Variants in IL16 observed in about 807,000 individuals in gnomAD.
The protein encoded by IL16 is interleukin 16.
Under a neutral mutation model 110.1 loss-of-function variants are expected in IL16, and 67 were observed. The observed-to-expected ratio is 0.61, with a 90% confidence interval of 0.50 to 0.75. The LOEUF (loss-of-function observed/expected upper bound fraction) is 0.75. Among genes scored for constraint, IL16 ranks in the 30% least tolerant of loss-of-function variants. IL16 has a pLI of 0.00. For synonymous variants in IL16, 689 were observed against 662.9 expected (o/e 1.04, Z -0.61); for missense variants, 1,545 against 1,655.0 (o/e 0.93, Z 1.15).
intron 1 of IL16, among the ~76,000 whole-genome samples, chr15:81,208,494 CTT>C (rs1364558401): frequency 1.3e-5 from 2 of 152,106 alleles, no homozygotes; most frequent in Admixed American, 1.3e-4. Context: ...GCCCAGCTAA[CTT>C]TTAAAATATT....
intron 1 of IL16, among the ~76,000 whole-genome samples, chr15:81,190,714 A>C (rs1895486107): frequency 1.3e-5 from 2 of 152,182 alleles, no homozygotes; most frequent in Admixed American, 1.3e-4. Context: ...AAGCTGAAAA[A>C]TCCAGTTTCT....
Position 81,311,015 on chromosome 15 carries a change from A to C in IL16, c.*2217A>C, listed in dbSNP as rs1900825952. The C allele has an allele frequency of 2.0e-5, 3 of 152,254 alleles. 1 individual carries two copies. Among genetic ancestry groups the C allele is most frequent in the Non-Finnish European group, 4.4e-5 (3 of 68,054 alleles). 9.4% of individuals were successfully genotyped at this position (152,254 alleles called of 1,614,324 possible). On this transcript the variant is annotated 3_prime_UTR_variant, in exon 19 of 19. Coordinates refer to ENST00000683961, the MANE Select transcript of IL16 (RefSeq NM_172217.5). ...GCCACTGAAGATATAACTATTGCCC[A>C]GGTTTCTGGTCTCTAGGCTGGGGAA... is the stretch of plus-strand genomic sequence containing the variant.
At chr15:81,283,924 G>A (rs1212893807) in intron 9 of IL16, among the ~76,000 whole-genome samples, 2 of 150,802 alleles carry the variant, frequency 1.3e-5, no homozygotes, top group East Asian at 3.9e-4. Context: ...GCTCACTTGA[G>A]CCAGGGAGGC....
chr15:81,312,763 A>G lies in IL16; in HGVS notation c.*3965A>G, dbSNP rs1900930642. ...ATATTTTGCGGCATTAAAGCCATAT[A>G]CAAGGTCTATATCAGAAAAATATAT... On this transcript the variant is annotated 3_prime_UTR_variant, in exon 19 of 19. Coordinates refer to ENST00000683961, the MANE Select transcript of IL16 (RefSeq NM_172217.5). The G allele has an allele frequency of 6.6e-6, 1 of 152,386 alleles. No individual in the cohort carries two copies. The highest frequency in any genetic ancestry group is 1.5e-5 in the Non-Finnish European group (1 of 68,112). 9.4% of individuals were successfully genotyped at this position (152,386 alleles called of 1,614,324 possible).
Position 81,297,083 on chromosome 15 carries a change from G to A in IL16, c.2053+5G>A, listed in dbSNP as rs748977144. 1.9e-6 allele frequency: 3 copies of A among 1,603,130 alleles called. No homozygotes were observed. The highest frequency in any genetic ancestry group is 2.6e-6 in the Non-Finnish European group (3 of 1,175,628). On this transcript the variant is annotated splice_donor_5th_base_variant and intron_variant, in intron 13 of 18. Transcript: ENST00000683961. The stretch of plus-strand genomic sequence containing the variant: ...GGTGGAGAAGAGCCAGCCCAGGTAA[G>A]CTTTCATTGAGATCTTCCAAAAGGA...
At chr15:81,302,339 T>TA (rs1478301935) in intron 15 of IL16, 1 of 152,314 alleles carries the variant, frequency 6.6e-6, no homozygotes, top group Non-Finnish European at 1.5e-5. Flanking sequence ...CCCAGGATCT[T>TA]ACTCAGTGCA....
At position 81,313,455 on chromosome 15, in the gene IL16, G is replaced by A. The variant is rs371044294; in HGVS notation, c.*4657G>A. On this transcript the variant is annotated 3_prime_UTR_variant, in exon 19 of 19. Coordinates refer to ENST00000683961, the MANE Select transcript of IL16 (RefSeq NM_172217.5). ...TATGATCTGCAGCAGAGGTGCTGGG[G>A]ACGAGCGCCAGGCAGGTGAGCAGAG... is the stretch of plus-strand genomic sequence containing the variant. 294 of 1,446,560 alleles carry A rather than the reference G, an allele frequency of 2.0e-4. No individual in the cohort carries two copies. The African/African-American group carries it at 3.9e-3, about 19-fold the overall frequency. The allele number at this position is 1,446,560 out of a possible 1,614,324, so 89.6% of individuals were successfully genotyped here. A position where few individuals can be genotyped will look rare whatever the true frequency, so the allele number is the denominator to read the frequency against.
chr15:81,257,181 GA>G (rs1177371707), intron 2 of IL16, among the ~76,000 whole-genome samples: 2 of 152,208 alleles, frequency 1.3e-5, no homozygotes, highest in Non-Finnish European at 2.9e-5. Context: ...ATCTGCTGCT[GA>G]AAAGGAGTCC....
intron 2 of IL16, among the ~76,000 whole-genome samples, chr15:81,239,093 G>A (rs980508978): frequency 1.3e-5 from 2 of 151,124 alleles, no homozygotes; most frequent in Non-Finnish European, 2.9e-5. Flanking sequence ...TAATTATGAT[G>A]TATCTAGTTG....
chr15:81,227,924 T>C (rs958472636), intron 2 of IL16, among the ~76,000 whole-genome samples: 1 of 151,636 alleles, frequency 6.6e-6, no homozygotes, highest in Non-Finnish European at 1.5e-5. Context: ...CACCTGGGGG[T>C]AGAAGTTTCA....
At chr15:81,296,158 C>G (rs951778304) in intron 12 of IL16, among the ~76,000 whole-genome samples, 6 of 152,174 alleles carry the variant, frequency 3.9e-5, no homozygotes, top group Admixed American at 3.9e-4. Context: ...GAAAGTACTT[C>G]TCTAGGAAGC....
At chr15:81,233,457 T>G (rs1387599165) in intron 2 of IL16, among the ~76,000 whole-genome samples, 2 of 128,274 alleles carry the variant, frequency 1.6e-5, no homozygotes, top group East Asian at 4.2e-4. Flanking sequence ...TGTCTTCTCT[T>G]TCTGTGTGTG....
At chr15:81,292,496 A>C (rs199873719) in intron 11 of IL16, 60 bp from the exon 12 acceptor site, 1 of 1,612,304 alleles carries the variant, frequency 6.2e-7, no homozygotes. Flanking sequence ...AGGTGAGGCC[A>C]GGGGGTATTT....
In IL16 at chr15:81,303,167, C is replaced by G. The variant is rs531771570; in HGVS notation, c.3319-382C>G. 1.2e-4 allele frequency: 21 copies of G among 178,504 alleles called. No homozygotes were observed. The highest frequency in any genetic ancestry group is 8.3e-4 in the Admixed American group (14 of 16,928). 11.1% of individuals were successfully genotyped at this position (178,504 alleles called of 1,614,324 possible). A position where few individuals can be genotyped will look rare whatever the true frequency, so the allele number is the denominator to read the frequency against. On this transcript the variant is annotated intron_variant, in intron 15 of 18. Coordinates refer to ENST00000683961, the MANE Select transcript of IL16 (RefSeq NM_172217.5). The surrounding 1 kb of genome is among the most constrained non-coding windows in gnomAD (Gnocchi z 4.1). ...CAATTCCTGCAGAACAGCACTGACC[C>G]CTGTTTTGTTTTTTGTTGTTTTTTT...
In IL16 at chr15:81,273,070, CCTT is replaced by C. The variant is rs143298730; in HGVS notation, c.676-17_676-15del. On this transcript the variant is annotated splice_polypyrimidine_tract_variant and intron_variant, in intron 5 of 18. Transcript: ENST00000683961. ...CATGGAATACTACCCCTAAATCAGACCTTCTCTTTTTTTCCCCAGGGTCTGGGC... is the reference window on the plus strand; with the variant it reads ...CATGGAATACTACCCCTAAATCAGACCTCTTTTTTTCCCCAGGGTCTGGGC... The C allele has an allele frequency of 4.7e-4, 755 of 1,589,942 alleles. 4 individuals are homozygous for C. The African/African-American group carries it at 8.8e-3, about 19-fold the overall frequency.
intron 1 of IL16, among the ~76,000 whole-genome samples, chr15:81,187,903 G>A (rs1267711020): frequency 6.6e-6 from 1 of 152,162 alleles, no homozygotes; most frequent in Admixed American, 6.5e-5. Context: ...TACGGAGAGT[G>A]GTCCTGGCTA....
At chr15:81,184,411 C>T (rs779248606) in intron 1 of IL16, among the ~76,000 whole-genome samples, 1 of 152,194 alleles carries the variant, frequency 6.6e-6, no homozygotes, top group Non-Finnish European at 1.5e-5. Flanking sequence ...GGCTGTGATG[C>T]AGTTGCAACA....
rs1463710693 is a variant in IL16, at chr15:81,313,133, G to A, written c.*4335G>A. Reference sequence around the variant, plus strand: ...TGGTTGGCATTCTCAGAGATGCGCAGTCCATCAGCTTGTTCCAAAGAGTGA... The same window carrying A: ...TGGTTGGCATTCTCAGAGATGCGCAATCCATCAGCTTGTTCCAAAGAGTGA... On this transcript the variant is annotated 3_prime_UTR_variant, in exon 19 of 19. Coordinates refer to ENST00000683961, the MANE Select transcript of IL16 (RefSeq NM_172217.5). The A allele has an allele frequency of 8.4e-7, 1 of 1,195,548 alleles. No individual in the cohort carries two copies. Among genetic ancestry groups the A allele is most frequent in the Non-Finnish European group, 1.1e-6 (1 of 890,920 alleles). The allele number at this position is 1,195,548 out of a possible 1,614,324, so 74.1% of individuals were successfully genotyped here.
chr15:81,197,818 T>A (rs990756967), intron 1 of IL16, among the ~76,000 whole-genome samples: 3 of 152,072 alleles, frequency 2.0e-5, no homozygotes, highest in African/African-American at 7.2e-5. Context: ...CCCTGTGGAA[T>A]ACAGGGAAGC....
Sources: gnomAD v4.1 joint callset for allele counts (sites outside exome capture counted in the v4.1 genomes callset) on GRCh38, gnomAD v4.1.1 for gene constraint, Gnocchi (gnomAD v3.1) non-coding constraint, MANE v1.5 for transcripts, NCBI Gene and HGNC (gene_info 2026-07-23, HGNC 2026-07-21) for gene names.